The following ANKS1B variants were observed in gnomAD, a reference collection of about 807,000 sequenced individuals.
ANKS1B encodes ankyrin repeat and sterile alpha motif domain containing 1B.
ANKS1B carries 36 observed loss-of-function variants against 148.3 expected under a neutral mutation model. The ratio of observed to expected loss-of-function variants is 0.24; its 90% CI spans 0.19 to 0.32. ANKS1B has a LOEUF of 0.32. ANKS1B is among the 10% of genes least tolerant of loss of function. The probability of loss-of-function intolerance (pLI) is 1.00; values close to 1 mark genes in which losing one functional copy is unlikely to be tolerated. For synonymous variants in ANKS1B, 542 were observed against 560.8 expected, an observed-to-expected ratio of 0.97 and a Z score of 0.47; for missense variants, 1,157 against 1,542.6, an observed-to-expected ratio of 0.75 and a Z score of 4.19.
At chr12:99,028,918 C>A (rs1195583932) in intron 17 of ANKS1B, among the ~76,000 whole-genome samples, 1 of 152,086 alleles carries the variant, frequency 6.6e-6, no homozygotes, top group Non-Finnish European at 1.5e-5. Context: ...TTTTATAACT[C>A]CTTTAATGAA....
intron 10 of ANKS1B, among the ~76,000 whole-genome samples, chr12:99,473,842 T>A (rs532000933): frequency 6.6e-6 from 1 of 152,190 alleles, no homozygotes; most frequent in Non-Finnish European, 1.5e-5. Flanking sequence ...CTTTCCCAGT[T>A]TGTGGCATTT....
At chr12:99,555,238 C>T (rs979006262) in intron 9 of ANKS1B, among the ~76,000 whole-genome samples, 9 of 152,110 alleles carry the variant, frequency 5.9e-5, no homozygotes, top group African/African-American at 1.9e-4. Flanking sequence ...TGCCCAACTA[C>T]CGTCCACAAT....
intron 1 of ANKS1B, among the ~76,000 whole-genome samples, chr12:99,895,294 C>T (rs1480253250): frequency 1.3e-5 from 2 of 150,220 alleles, no homozygotes; most frequent in Non-Finnish European, 3.0e-5. Context: ...TCCAGAGAAA[C>T]AGAACCAACG....
At chr12:99,351,554 G>A (rs1403600711) in intron 12 of ANKS1B, among the ~76,000 whole-genome samples, 1 of 151,902 alleles carries the variant, frequency 6.6e-6, no homozygotes, top group African/African-American at 2.4e-5. Flanking sequence ...AGTCATGTAA[G>A]CATAGATAAA....
intron 1 of ANKS1B, among the ~76,000 whole-genome samples, chr12:99,860,190 C>A (rs2089837406): frequency 6.6e-6 from 1 of 152,144 alleles, no homozygotes; most frequent in Non-Finnish European, 1.5e-5. Context: ...ACAGTGAAGA[C>A]ACAAAGGCAA....
intron 8 of ANKS1B, among the ~76,000 whole-genome samples, chr12:99,675,333 A>G (rs2098557334): frequency 6.6e-6 from 1 of 152,070 alleles, no homozygotes; most frequent in Non-Finnish European, 1.5e-5. Flanking sequence ...AAACACTGTT[A>G]AATAAATTAG....
intron 24 of ANKS1B, among the ~76,000 whole-genome samples, chr12:98,779,911 C>G (rs553459218): frequency 6.6e-6 from 1 of 152,296 alleles, no homozygotes; most frequent in Non-Finnish European, 1.5e-5. Context: ...GGGTTATATG[C>G]TTTTTGCCTG....
intron 12 of ANKS1B, among the ~76,000 whole-genome samples, chr12:99,317,120 C>A (rs1484172914): frequency 6.6e-6 from 1 of 152,118 alleles, no homozygotes; most frequent in Non-Finnish European, 1.5e-5. Flanking sequence ...CAGGTTTGTT[C>A]TTTTTGCTTA....
At chr12:99,735,958 C>T (rs1484955266) in intron 8 of ANKS1B, among the ~76,000 whole-genome samples, 1 of 151,562 alleles carries the variant, frequency 6.6e-6, no homozygotes, top group African/African-American at 2.4e-5. Context: ...GATGTTTCAA[C>T]ATATGCATAT....
intron 17 of ANKS1B, among the ~76,000 whole-genome samples, chr12:98,966,140 A>T (rs930511849): frequency 6.6e-6 from 1 of 152,190 alleles, no homozygotes; most frequent in Non-Finnish European, 1.5e-5. Flanking sequence ...AATTTTTGCA[A>T]TCTACTCATC....
rs1217790455 is a variant in ANKS1B, at chr12:99,761,572, C to A, written c.1128+11350G>T. On this transcript the variant is annotated intron_variant, in intron 8 of 26. Coordinates refer to ENST00000683438, the MANE Select transcript of ANKS1B (RefSeq NM_001352186.2). ...TCAAAATAATAAAAGCCATCTATGA[C>A]AAACTCACAGCCAACATTATAATAA... 2.6e-5 allele frequency among the ~76,000 whole-genome samples: 4 copies of A among 152,166 alleles called. No homozygotes were observed. The East Asian group carries it at 7.7e-4, about 29-fold the overall frequency.
At chr12:99,157,388 T>G (rs1038176303) in intron 14 of ANKS1B, among the ~76,000 whole-genome samples, 4 of 152,196 alleles carry the variant, frequency 2.6e-5, no homozygotes, top group Middle Eastern at 3.2e-3. Flanking sequence ...GCAAGGCACA[T>G]GCTGATTGGC....
At chr12:99,625,321 C>G (rs1419870341) in intron 9 of ANKS1B, among the ~76,000 whole-genome samples, 1 of 151,936 alleles carries the variant, frequency 6.6e-6, no homozygotes, top group Non-Finnish European at 1.5e-5. Context: ...CAATCATATC[C>G]CAAACCTCAA....
intron 14 of ANKS1B, among the ~76,000 whole-genome samples, chr12:99,220,493 C>T (rs1242035907): frequency 6.9e-6 from 1 of 145,622 alleles, no homozygotes; most frequent in Non-Finnish European, 1.5e-5. Flanking sequence ...GCTCTGTTGC[C>T]CAGGCTGGAG....
At chr12:99,511,325 G>A (rs1017466522) in intron 9 of ANKS1B, among the ~76,000 whole-genome samples, 1 of 151,964 alleles carries the variant, frequency 6.6e-6, no homozygotes, top group Non-Finnish European at 1.5e-5. Context: ...CTGCTACTAA[G>A]AGAGCAAAAT....
At chr12:99,717,129 G>A (rs1399147259) in intron 8 of ANKS1B, among the ~76,000 whole-genome samples, 6 of 152,108 alleles carry the variant, frequency 3.9e-5, no homozygotes, top group Non-Finnish European at 8.8e-5. Flanking sequence ...CAGCAACCCT[G>A]AGATGCTTTA....
At chr12:99,393,186 A>G (rs570112954) in intron 12 of ANKS1B, among the ~76,000 whole-genome samples, 1 of 152,250 alleles carries the variant, frequency 6.6e-6, no homozygotes, top group East Asian at 1.9e-4. Context: ...CACCACCTCT[A>G]TTTAAAAAAA....
chr12:99,233,767 G>A (rs2087310228), intron 14 of ANKS1B, among the ~76,000 whole-genome samples: 1 of 152,088 alleles, frequency 6.6e-6, no homozygotes. Flanking sequence ...AATTGGGGTG[G>A]TAGGAAAAAG....
chr12:99,364,015 G>A (rs1210195555), intron 12 of ANKS1B, among the ~76,000 whole-genome samples: 1 of 152,094 alleles, frequency 6.6e-6, no homozygotes, highest in Non-Finnish European at 1.5e-5. Flanking sequence ...TCTGAAGCCA[G>A]CTTTGGAGGT....
Sources: gnomAD v4.1 joint callset for allele counts (sites outside exome capture counted in the v4.1 genomes callset) on GRCh38, gnomAD v4.1.1 for gene constraint, MANE v1.5 for transcripts, NCBI Gene and HGNC (gene_info 2026-07-23, HGNC 2026-07-21) for gene names.